The following GET4 variants were observed in gnomAD, a reference collection of about 807,000 sequenced individuals.
The protein encoded by GET4 is Golgi to ER traffic protein 4 homolog.
GET4 carries 20 observed loss-of-function variants against 40.0 expected under a neutral mutation model. The ratio of observed to expected loss-of-function variants is 0.50; its 90% CI spans 0.35 to 0.73. The LOEUF is 0.73. Among genes scored for constraint, GET4 ranks in the 30% least tolerant of loss-of-function variants. GET4 has a pLI of 0.01. For synonymous variants in GET4, 280 were observed against 194.6 expected (o/e 1.44, Z -3.65); for missense variants, 557 against 454.0 (o/e 1.23, Z -2.06).
At chr7:890,790 C>A in intron 4 of GET4, 138 bp from the exon 5 acceptor site, 1 of 682,870 alleles carries the variant, frequency 1.5e-6, no homozygotes. Flanking sequence ...CTATCAGGAC[C>A]TCTGCCTGTG....
chr7:878,248 G>A (rs1844008822), intron 1 of GET4: 1 of 470,882 alleles, frequency 2.1e-6, no homozygotes, highest in Non-Finnish European at 4.4e-6. Flanking sequence ...CTGCTGCGTG[G>A]CTTGGTTGAT....
intron 1 of GET4, chr7:878,426 G>C (rs1235195300): frequency 4.3e-6 from 2 of 467,274 alleles, no homozygotes; most frequent in Non-Finnish European, 8.9e-6. Context: ...CTGTTTTAAA[G>C]ATCATTTCAG....
chr7:886,197 TGACC>T, intron 2 of GET4, 63 bp downstream of exon 2: 19 of 1,048,314 alleles, frequency 1.8e-5, no homozygotes, highest in East Asian at 2.4e-5. Flanking sequence ...GAGGTGGGAA[TGACC>T]TCCCACCTCC....
chr7:893,645 T>A, intron 6 of GET4, 95 bp from the exon 7 acceptor site: 1 of 755,426 alleles, frequency 1.3e-6, no homozygotes, highest in Non-Finnish European at 2.3e-6. Flanking sequence ...TGGTGGTGTG[T>A]GCAGGTGAGT....
intron 4 of GET4, among the ~76,000 whole-genome samples, chr7:889,672 G>C (rs1844272203): frequency 6.7e-6 from 1 of 148,356 alleles, no homozygotes; most frequent in Non-Finnish European, 1.5e-5. Context: ...GTGTTAGGAC[G>C]GGGTCTGGGG....
At chr7:888,350 G>A (rs1274688413) in intron 4 of GET4, among the ~76,000 whole-genome samples, 3 of 152,172 alleles carry the variant, frequency 2.0e-5, no homozygotes, top group African/African-American at 4.8e-5. Flanking sequence ...CAGCCCATCC[G>A]ACCTTGTCCC....
At chr7:887,114 G>T in intron 3 of GET4, 1 of 657,292 alleles carries the variant, frequency 1.5e-6, no homozygotes. Flanking sequence ...CTGGACTCCA[G>T]CTCCCCACGG....
chr7:893,788 C>A lies in GET4; in HGVS notation c.795C>A (p.Ser265=). The A allele has an allele frequency of 6.2e-7, 1 of 1,611,426 alleles. No individual in the cohort carries two copies. Among genetic ancestry groups the A allele is most frequent in the Non-Finnish European group, 8.5e-7 (1 of 1,178,244 alleles). The change falls in exon 7 of 9, where the codon TCC becomes TCA. Residue 265 remains serine, a synonymous_variant. Transcript: ENST00000265857. ...TGCTGTGTGAGCAGTACCAGCCATCCCTCCGGCGGGACCCCATGTACAACG... is the reference window on the plus strand; with the variant it reads ...TGCTGTGTGAGCAGTACCAGCCATCACTCCGGCGGGACCCCATGTACAACG... The part of the protein sequence containing the change: ...FTVLCEQYQP[S]LRRDPMYNEY...
Position 895,689 on chromosome 7 carries a change from G to A in GET4, c.*267G>A, listed in dbSNP as rs896276483. On this transcript the variant is annotated 3_prime_UTR_variant, in exon 9 of 9. Coordinates refer to ENST00000265857, the MANE Select transcript of GET4 (RefSeq NM_015949.3). ...ACAATAAAGCACAGGCCTTACCGCG[G>A]CGTCACCCTCTCCCACTCCTTTGTT... 3.5e-6 allele frequency: 1 copy of A among 287,030 alleles called. No homozygotes were observed. Among genetic ancestry groups the A allele is most frequent in the Non-Finnish European group, 6.6e-6 (1 of 152,590 alleles). The allele number at this position is 287,030 out of a possible 1,614,324, so 17.8% of individuals were successfully genotyped here. A position where few individuals can be genotyped will look rare whatever the true frequency, so the allele number is the denominator to read the frequency against.
chr7:884,361 G>C (rs369598443), intron 1 of GET4: 1 of 1,303,322 alleles, frequency 7.7e-7, no homozygotes, highest in South Asian at 1.2e-5. Flanking sequence ...CACAGAGTCA[G>C]TGGTCCTGTC....
At position 893,908 on chromosome 7, in the gene GET4, C is replaced by A. The variant is rs763485148; in HGVS notation, c.832C>A (p.Arg278Ser). The A allele has an allele frequency of 6.2e-7, 1 of 1,611,022 alleles. No homozygotes were observed. The highest frequency in any genetic ancestry group is 8.5e-7 in the Non-Finnish European group (1 of 1,178,188). ...RDPMYNEYLD[R>S]IGQLFFGVPP... ...TGCCTGTGCCTTGCAGTACCTCGAC[C>A]GCATAGGACAGCTGTTCTTCGGCGT... The change falls in exon 8 of 9, where the codon CGC (arginine) becomes AGC (serine). Residue 278 changes from arginine to serine, a missense_variant. Arg to Ser is a moderately radical substitution (Grantham distance 110). Coordinates refer to ENST00000265857, the MANE Select transcript of GET4 (RefSeq NM_015949.3).
intron 6 of GET4, among the ~76,000 whole-genome samples, chr7:893,233 T>C (rs868512713): frequency 0.027 from 2,428 of 91,040 alleles, 67 homozygotes; most frequent in Non-Finnish European, 0.031. Context: ...GGCGTGGGCG[T>C]GGTGGTGTGT....
intron 4 of GET4, among the ~76,000 whole-genome samples, chr7:888,838 G>C (rs1844249479): frequency 1.3e-5 from 2 of 152,240 alleles, no homozygotes; most frequent in African/African-American, 4.8e-5. Flanking sequence ...ACTCTGCGTG[G>C]GCCCCACTGC....
intron 4 of GET4, among the ~76,000 whole-genome samples, chr7:889,044 G>A (rs959605950): frequency 1.3e-5 from 2 of 152,262 alleles, no homozygotes; most frequent in African/African-American, 4.8e-5. Context: ...AGACCTGCAT[G>A]GCAGCTCCTA....
chr7:880,397 A>G (rs1844060637), intron 1 of GET4: 1 of 152,270 alleles, frequency 6.6e-6, no homozygotes, highest in South Asian at 2.1e-4. Context: ...CTCCCCCGAA[A>G]TAAACACAGT....
chr7:891,457 A>G (rs1341207562), intron 5 of GET4, among the ~76,000 whole-genome samples: 1 of 152,002 alleles, frequency 6.6e-6, no homozygotes, highest in Non-Finnish European at 1.5e-5. Flanking sequence ...GGCGTCCTGC[A>G]GGCCAGGCTC....
At chr7:888,727 C>G (rs749056777) in intron 4 of GET4, among the ~76,000 whole-genome samples, 8 of 152,234 alleles carry the variant, frequency 5.3e-5, no homozygotes, top group Admixed American at 5.2e-4. Flanking sequence ...TGGCCTCTGG[C>G]GACAGCAGGC....
At chr7:883,879 C>T (rs1397773953) in intron 1 of GET4, 12 of 1,025,078 alleles carry the variant, frequency 1.2e-5, no homozygotes, top group African/African-American at 1.7e-5. Flanking sequence ...GACCTGGAAA[C>T]GGGTGCCCCC....
intron 1 of GET4, among the ~76,000 whole-genome samples, chr7:878,980 C>CA (rs952430224): frequency 1.3e-5 from 2 of 151,918 alleles, no homozygotes; most frequent in Admixed American, 6.6e-5. Flanking sequence ...ACAGACACCC[C>CA]CCCCCGAGTA....
Sources: allele counts gnomAD v4.1 joint callset (sites outside exome capture counted in the v4.1 genomes callset), GRCh38; gene constraint gnomAD v4.1.1; transcripts MANE v1.5; gene names NCBI Gene and HGNC (gene_info 2026-07-23, HGNC 2026-07-21).